Variants in PDS5B observed in about 807,000 individuals in gnomAD.
PDS5B encodes PDS5 cohesin associated factor B, also known as sister chromatid cohesion protein PDS5 homolog B.
PDS5B carries 51 observed loss-of-function variants against 184.1 expected under a neutral mutation model. The observed-to-expected ratio is 0.28, with a 90% CI of 0.22 to 0.35. The LOEUF (loss-of-function observed/expected upper bound fraction) is 0.35. PDS5B is among the 10% of genes least tolerant of loss of function. The pLI, the probability that PDS5B is intolerant of heterozygous loss-of-function variation, is 1.00. For synonymous variants in PDS5B, 566 were observed against 569.2 expected (o/e 0.99, Z 0.08); for missense variants, 1,180 against 1,723.3 (o/e 0.68, Z 5.58).
intron 21 of PDS5B, among the ~76,000 whole-genome samples, chr13:32,737,111 G>A (rs1378720960): frequency 6.6e-6 from 1 of 152,020 alleles, no homozygotes. Flanking sequence ...ATCTTACCTT[G>A]TACATATATT....
intron 19 of PDS5B, among the ~76,000 whole-genome samples, chr13:32,727,545 T>C (rs994472626): frequency 6.6e-6 from 1 of 152,098 alleles, no homozygotes; most frequent in African/African-American, 2.4e-5. Flanking sequence ...TATTTTTCCC[T>C]CATTTTTAAA....
intron 1 of PDS5B, among the ~76,000 whole-genome samples, chr13:32,629,844 C>T (rs925112203): frequency 6.6e-6 from 1 of 152,032 alleles, no homozygotes; most frequent in Non-Finnish European, 1.5e-5. Context: ...TTCTCTTGTC[C>T]CAGTTTTCTT....
chr13:32,685,463 T>A (rs1951359113), intron 11 of PDS5B, among the ~76,000 whole-genome samples: 1 of 152,200 alleles, frequency 6.6e-6, no homozygotes, highest in Non-Finnish European at 1.5e-5. Context: ...GATCATCATG[T>A]TATATTGTAT....
chr13:32,638,063 A>G (rs1381177027), intron 1 of PDS5B, among the ~76,000 whole-genome samples: 1 of 152,184 alleles, frequency 6.6e-6, no homozygotes, highest in Non-Finnish European at 1.5e-5. Context: ...TGATTTGGTT[A>G]GGGCTGGCTT....
rs1954925870 is a variant in PDS5B at position 32,775,408 on chromosome 13, A to G, written c.*356A>G. 3.2e-6 allele frequency: 1 copy of G among 316,810 alleles called. No homozygotes were observed. Among genetic ancestry groups the G allele is most frequent in the Non-Finnish European group, 6.1e-6 (1 of 164,906 alleles). 19.6% of individuals were successfully genotyped at this position (316,810 alleles called of 1,614,324 possible). On this transcript the variant is annotated 3_prime_UTR_variant, in exon 35 of 35. Transcript: ENST00000315596. The stretch of plus-strand genomic sequence containing the variant: ...CAGTACCCGACTGTTTATTGGATCT[A>G]TTGATTTGAAAAGAATTTGTTAGGA...
At chr13:32,617,270 C>T (rs2058233718) in intron 1 of PDS5B, among the ~76,000 whole-genome samples, 1 of 152,162 alleles carries the variant, frequency 6.6e-6, no homozygotes. Flanking sequence ...CAGTTAGCAC[C>T]TACTTACAGA....
intron 1 of PDS5B, among the ~76,000 whole-genome samples, chr13:32,622,028 T>A (rs2058309232): frequency 6.6e-6 from 1 of 152,214 alleles, no homozygotes; most frequent in African/African-American, 2.4e-5. Flanking sequence ...TTTTTTTCTA[T>A]TCTTGATCAG....
At chr13:32,595,932 C>T (rs192789093) in intron 1 of PDS5B, among the ~76,000 whole-genome samples, 3 of 152,102 alleles carry the variant, frequency 2.0e-5, no homozygotes, top group South Asian at 2.1e-4. Context: ...AAGATTTCAG[C>T]GCATTGTAGA....
intron 7 of PDS5B, 90 bp downstream of exon 7, chr13:32,667,934 T>G (rs1390937392): frequency 1.2e-5 from 7 of 589,898 alleles, no homozygotes; most frequent in South Asian, 2.9e-5. Context: ...TAGTATATAG[T>G]TTTAAAAACA....
Position 32,692,481 on chromosome 13 carries a change from A to C in PDS5B, c.1470-1742A>C, listed in dbSNP as rs115646969. On this transcript the variant is annotated intron_variant, in intron 13 of 34. Coordinates refer to ENST00000315596, the MANE Select transcript of PDS5B (RefSeq NM_015032.4). ...ATGGGTGACTTGTCAGTTGGGAGCT[A>C]AAGGTTAGAGGACAGGTCCTCTTCA... is the stretch of plus-strand genomic sequence containing the variant. 6.0e-3 allele frequency among the ~76,000 whole-genome samples: 819 copies of C among 136,062 alleles called. 18 individuals are homozygous for C. Among genetic ancestry groups the C allele is most frequent in the African/African-American group, 0.021 (790 of 36,830 alleles). The allele number at this position is 136,062 out of a possible 152,430, so 89.3% of individuals were successfully genotyped here. A position where few individuals can be genotyped will look rare whatever the true frequency, so the allele number is the denominator to read the frequency against.
chr13:32,690,879 T>C (rs1385902070), intron 13 of PDS5B: 1 of 152,144 alleles, frequency 6.6e-6, no homozygotes, highest in East Asian at 1.9e-4. Flanking sequence ...AGGGTACATA[T>C]ATATCATTTT....
At chr13:32,773,454 C>A in intron 34 of PDS5B, 130 bp downstream of exon 34, 1 of 788,850 alleles carries the variant, frequency 1.3e-6, no homozygotes, top group Non-Finnish European at 2.0e-6. Flanking sequence ...ATTTTATCTA[C>A]CAGGTTGGAT....
intron 19 of PDS5B, among the ~76,000 whole-genome samples, chr13:32,719,422 A>G (rs1218776273): frequency 7.9e-5 from 12 of 152,108 alleles, no homozygotes; most frequent in Non-Finnish European, 7.3e-5. Context: ...GGCTCAGGTG[A>G]TCTGCCTAGC....
chr13:32,690,940 T>C (rs1172541558), intron 13 of PDS5B: 2 of 152,104 alleles, frequency 1.3e-5, no homozygotes, highest in Admixed American at 1.3e-4. Flanking sequence ...GACCAACTAT[T>C]ATACTTACCA....
At chr13:32,633,391 A>G (rs2058488539) in intron 1 of PDS5B, among the ~76,000 whole-genome samples, 1 of 152,210 alleles carries the variant, frequency 6.6e-6, no homozygotes, top group South Asian at 2.1e-4. Context: ...TTGATATGTG[A>G]ATTCTGTCTT....
intron 19 of PDS5B, among the ~76,000 whole-genome samples, chr13:32,718,058 A>AT (rs1441656199): frequency 1.3e-5 from 2 of 152,322 alleles, no homozygotes; most frequent in East Asian, 3.9e-4. Context: ...TTGGTACAAT[A>AT]TTAGTAAGCC....
In PDS5B at chr13:32,760,701, C is replaced by G; in HGVS notation, c.3499C>G (p.Pro1167Ala). Residue 1167 changes from proline (P) to alanine (A), a missense_variant, in exon 30 of 35, where the codon CCT (proline) becomes GCT (alanine). By Grantham distance (27) the Pro-to-Ala change is conservative. Coordinates refer to ENST00000315596, the MANE Select transcript of PDS5B (RefSeq NM_015032.4). The part of the protein sequence containing the change: ...NASSSSNPSS[P>A]GRIKGRLDSS... ...AAGCAGCAGCTCAAATCCAAGCTCT[C>G]CTGGAAGAATAAAGGGGAGGTAAGT... 2 of 1,613,608 alleles carry G rather than the reference C, an allele frequency of 1.2e-6. No individual in the cohort carries two copies. Among genetic ancestry groups the G allele is most frequent in the Non-Finnish European group, 8.5e-7 (1 of 1,179,832 alleles).
chr13:32,734,184 G>A (rs1953234423), intron 20 of PDS5B, among the ~76,000 whole-genome samples: 1 of 151,390 alleles, frequency 6.6e-6, no homozygotes, highest in African/African-American at 2.4e-5. Context: ...TATGCCCCAC[G>A]CCTGGCTAAT....
intron 11 of PDS5B, among the ~76,000 whole-genome samples, chr13:32,684,580 T>C (rs1951334544): frequency 6.6e-6 from 1 of 152,242 alleles, no homozygotes; most frequent in Admixed American, 6.5e-5. Flanking sequence ...TTGAGAGGAC[T>C]GTATCTTGTT....
Sources: allele counts gnomAD v4.1 joint callset (sites outside exome capture counted in the v4.1 genomes callset), GRCh38; gene constraint gnomAD v4.1.1; transcripts MANE v1.5; gene names NCBI Gene and HGNC (gene_info 2026-07-23, HGNC 2026-07-21).